FRMPD4: variants seen among roughly 807,000 people sequenced by gnomAD.
FRMPD4 encodes the protein FERM and PDZ domain containing 4, also known as FERM and PDZ domain-containing protein 4.
Under a neutral mutation model 94.1 loss-of-function variants are expected in FRMPD4, and 22 were observed. The ratio of observed to expected loss-of-function variants is 0.23; its 90% CI spans 0.17 to 0.33. The LOEUF (loss-of-function observed/expected upper bound fraction) is 0.33. Among genes scored for constraint, FRMPD4 ranks in the 10% least tolerant of loss-of-function variants. FRMPD4 has a pLI of 1.00. For missense variants in FRMPD4, 1,111 were observed against 1,339.9 expected (o/e 0.83, Z 2.67); for synonymous variants, 631 against 548.6 (o/e 1.15, Z -2.10).
chrX:12,649,448 A>G (rs1309307049), intron 4 of FRMPD4, among the ~76,000 whole-genome samples: 1 of 111,658 alleles, frequency 9.0e-6, no homozygotes, highest in Non-Finnish European at 1.9e-5. Flanking sequence ...CACATCTCTC[A>G]TATGCTATCT....
intron 4 of FRMPD4, among the ~76,000 whole-genome samples, chrX:12,660,346 T>C (rs1170052828): frequency 8.9e-6 from 1 of 112,135 alleles, no homozygotes; most frequent in African/African-American, 3.2e-5. Flanking sequence ...AGACACTTGA[T>C]TGGGTCTGCT....
chrX:12,137,979 T>G (rs2055623953), upstream of FRMPD4, among the ~76,000 whole-genome samples: 1 of 111,600 alleles, frequency 9.0e-6, no homozygotes, highest in African/African-American at 3.3e-5. Context: ...CGCTCTATGC[T>G]CCTCGAGGAG....
intron 1 of FRMPD4, among the ~76,000 whole-genome samples, chrX:12,258,453 C>G (rs959859683): frequency 1.8e-5 from 2 of 111,040 alleles, no homozygotes; most frequent in African/African-American, 6.6e-5. Flanking sequence ...AGCAAGAAGT[C>G]CCTCACCAAA....
At chrX:12,638,770 A>G (rs1441516166) in intron 4 of FRMPD4, among the ~76,000 whole-genome samples, 1 of 111,220 alleles carries the variant, frequency 9.0e-6, no homozygotes, top group East Asian at 2.8e-4. Flanking sequence ...AGTTAGTATT[A>G]ATACCTATAA....
chrX:12,201,639 T>C (rs183452137), intron 1 of FRMPD4, among the ~76,000 whole-genome samples: 1 of 112,087 alleles, frequency 8.9e-6, no homozygotes, highest in African/African-American at 3.2e-5. Context: ...TTCTGTACCT[T>C]CTTAAGATGA....
intron 2 of FRMPD4, among the ~76,000 whole-genome samples, chrX:12,511,746 CTT>C (rs1023193140): frequency 1.1e-4 from 11 of 101,442 alleles, no homozygotes; most frequent in African/African-American, 3.9e-4. Context: ...TGGCCAAAAA[CTT>C]TTCAAACTTG....
chrX:12,024,356 C>G (rs1465570492), intron 3 of FRMPD4, among the ~76,000 whole-genome samples: 2 of 112,036 alleles, frequency 1.8e-5, no homozygotes, highest in African/African-American at 6.5e-5. Context: ...GATGAGAAAA[C>G]TGAAGTTCGG....
At chrX:12,395,809 T>C (rs1012116452) in intron 1 of FRMPD4, 1 of 112,201 alleles carries the variant, frequency 8.9e-6, no homozygotes, top group African/African-American at 3.2e-5. Flanking sequence ...TGTTTTCTTT[T>C]TTTCTGTGGA....
At chrX:12,201,253 A>G (rs894079612) in intron 1 of FRMPD4, among the ~76,000 whole-genome samples, 1 of 112,653 alleles carries the variant, frequency 8.9e-6, no homozygotes, top group African/African-American at 3.2e-5. Context: ...CTTTCACAGC[A>G]TTTCTAAAAG....
intron 3 of FRMPD4, among the ~76,000 whole-genome samples, chrX:12,036,905 T>C (rs1034042714): frequency 3.4e-4 from 38 of 112,475 alleles, no homozygotes; most frequent in African/African-American, 1.1e-3. Context: ...GGGATTTTCA[T>C]TAATTTATAC....
At chrX:12,081,513 C>T (rs915363803) in intron 3 of FRMPD4, among the ~76,000 whole-genome samples, 2 of 111,236 alleles carry the variant, frequency 1.8e-5, no homozygotes, top group African/African-American at 6.5e-5. Flanking sequence ...ATGTACTTAA[C>T]AGAGAGAAAG....
chrX:12,318,646 C>T (rs188278260), intron 1 of FRMPD4, among the ~76,000 whole-genome samples: 32 of 111,310 alleles, frequency 2.9e-4, no homozygotes, highest in African/African-American at 8.5e-4. Flanking sequence ...GAGATGAAGA[C>T]GAGTTAGTTA....
intron 1 of FRMPD4, among the ~76,000 whole-genome samples, chrX:12,164,676 T>G (rs1338432238): frequency 8.9e-6 from 1 of 112,230 alleles, no homozygotes; most frequent in South Asian, 3.7e-4. Context: ...AGTGTAAAAG[T>G]GTTCCTATTT....
At chrX:12,018,080 C>T (rs1192679291) in intron 3 of FRMPD4, among the ~76,000 whole-genome samples, 1 of 110,858 alleles carries the variant, frequency 9.0e-6, no homozygotes, top group Non-Finnish European at 1.9e-5. Context: ...ACAAACTATA[C>T]CACTTTGCAT....
rs149091718 is a variant in FRMPD4 at position 12,577,241 on chromosome X, C to T, written c.159-32480C>T. ...GAACCTTCCCTCCTGGAGAAGGCTA[C>T]GGTCCAGAGTAGATGAGAGAAGATC... On this transcript the variant is annotated intron_variant, in intron 2 of 16. Transcript: ENST00000675598. Among the ~76,000 whole-genome samples the T allele has an allele frequency of 2.4e-3, 262 of 111,137 alleles. 3 individuals carry two copies. Among genetic ancestry groups the T allele is most frequent in the African/African-American group, 8.0e-3 (243 of 30,546 alleles).
In FRMPD4 at chrX:12,716,083, G is replaced by T. The variant is rs1383452882; in HGVS notation, c.1624G>T (p.Gly542Trp). 1 of 1,018,806 alleles carries T rather than the reference G, an allele frequency of 9.8e-7. No individual in the cohort carries two copies. The highest frequency in any genetic ancestry group is 2.7e-5 in the Admixed American group (1 of 37,504). The allele number at this position is 1,018,806 out of a possible 1,213,427, so 84.0% of individuals were successfully genotyped here. ...ATQETGPENKGKHNLLGPDWN... is the reference protein window; with the variant it reads ...ATQETGPENKWKHNLLGPDWN... ...TTTCTCTTTAGGACCTGAAAACAAG[G>T]GGAAGCATAACCTCCTTGGCCCAGA... The change falls in exon 15 of 17, where the codon GGG becomes TGG. Residue 542 changes from glycine to tryptophan, a missense_variant. Physicochemically the swap from Gly to Trp is radical, Grantham distance 184. Transcript: ENST00000675598.
chrX:12,446,884 C>G (rs759873343), intron 1 of FRMPD4, among the ~76,000 whole-genome samples: 1 of 111,861 alleles, frequency 8.9e-6, no homozygotes, highest in African/African-American at 3.3e-5. Flanking sequence ...ATGTAGCTGT[C>G]GCAATGAGAG....
At position 12,505,733 on chromosome X, in the gene FRMPD4, A is replaced by AAAC. The variant is rs1379188091; in HGVS notation, c.158+6939_158+6940insCAA. 5.7e-3 allele frequency among the ~76,000 whole-genome samples: 587 copies of AAAC among 103,334 alleles called. 4 individuals are homozygous for AAAC. Among genetic ancestry groups the AAAC allele is most frequent in the African/African-American group, 0.018 (516 of 28,634 alleles). 89.7% of individuals were successfully genotyped at this position (103,334 alleles called of 115,157 possible). On this transcript the variant is annotated intron_variant, in intron 2 of 16. Coordinates refer to ENST00000675598, the MANE Select transcript of FRMPD4 (RefSeq NM_001368397.1). ...CAAGAGCAAAACTCCATCCGAAAAA[A>AAAC]AAAAAAAAAAAAAAAAGGGGGGGAG...
intron 1 of FRMPD4, among the ~76,000 whole-genome samples, chrX:12,297,047 G>A (rs2054783594): frequency 8.9e-6 from 1 of 112,429 alleles, no homozygotes; most frequent in Non-Finnish European, 1.9e-5. Flanking sequence ...GCTCACTCCT[G>A]GGAAATGCAT....
Sources: allele counts gnomAD v4.1 joint callset (sites outside exome capture counted in the v4.1 genomes callset), GRCh38; gene constraint gnomAD v4.1.1; transcripts MANE v1.5; gene names NCBI Gene and HGNC (gene_info 2026-07-23, HGNC 2026-07-21).